MROH2A: variants seen among roughly 807,000 people sequenced by gnomAD.
MROH2A encodes maestro heat like repeat family member 2A.
A neutral mutation model predicts 200.4 loss-of-function variants in MROH2A; 174 were observed. That is an observed-to-expected ratio of 0.87 (90% CI 0.77 to 0.98). The LOEUF is 0.98. Among genes scored for constraint, MROH2A ranks in the 50% least tolerant of loss-of-function variants. The probability of loss-of-function intolerance (pLI) is 0.00; values close to 1 mark genes in which losing one functional copy is unlikely to be tolerated. For synonymous variants in MROH2A, 829 were observed against 840.4 expected, an observed-to-expected ratio of 0.99 and a Z score of 0.23; for missense variants, 2,045 against 2,139.6, an observed-to-expected ratio of 0.96 and a Z score of 0.87.
rs62192270 is a variant in MROH2A at position 233,825,421 on chromosome 2, C to T, written c.4113+1757C>T. 1.4e-3 allele frequency among the ~76,000 whole-genome samples: 207 copies of T among 152,286 alleles called. 3 individuals are homozygous for T. Among genetic ancestry groups the T allele is most frequent in the Non-Finnish European group, 1.7e-3 (113 of 68,022 alleles). ...TGCCGATTTTCAAAGGGAATGCTTC[C>T]GGCTTTTGCCCATTCAGTATGATAT... On this transcript the variant is annotated intron_variant, in intron 35 of 41. Coordinates refer to ENST00000389758, the MANE Select transcript of MROH2A (RefSeq NM_001394639.1).
chr2:233,777,259 T>G (rs546899120), upstream of MROH2A, among the ~76,000 whole-genome samples: 118 of 152,330 alleles, frequency 7.7e-4, no homozygotes, highest in African/African-American at 2.8e-3. Flanking sequence ...AGAGATGTGT[T>G]CCACCTACCC....
intron 11 of MROH2A, among the ~76,000 whole-genome samples, chr2:233,797,855 C>A (rs1215239831): frequency 6.6e-6 from 1 of 152,016 alleles, no homozygotes; most frequent in East Asian, 1.9e-4. Context: ...TGTTCCTGGG[C>A]TAATTTGCTG....
chr2:233,800,018 A>T, intron 13 of MROH2A, 119 bp downstream of exon 13: 3 of 1,349,040 alleles, frequency 2.2e-6, no homozygotes, highest in Middle Eastern at 1.9e-4. Context: ...CATTCATGAC[A>T]GGAGTTCATA....
At chr2:233,808,593 A>G (rs10929307) in intron 21 of MROH2A, among the ~76,000 whole-genome samples, 106,492 of 152,148 alleles carry the variant, frequency 0.7, 37,564 homozygotes, top group African/African-American at 0.76. Flanking sequence ...CCCGACACCT[A>G]GATTTCTACT....
At chr2:233,832,792 C>G (rs1047001469) in intron 41 of MROH2A, 148 bp downstream of exon 41, 3 of 638,998 alleles carry the variant, frequency 4.7e-6, no homozygotes, top group Non-Finnish European at 8.2e-6. Flanking sequence ...GAGAGATGCA[C>G]CTGGGGAGGC....
upstream of MROH2A, among the ~76,000 whole-genome samples, chr2:233,776,228 T>C (rs78785676): frequency 0.032 from 4,823 of 152,246 alleles, 242 homozygotes; most frequent in African/African-American, 0.11. Context: ...TTTTCTTATT[T>C]CCTGGGTAGT....
chr2:233,801,415 C>T (rs552994385), intron 14 of MROH2A, among the ~76,000 whole-genome samples: 4 of 152,194 alleles, frequency 2.6e-5, no homozygotes, highest in African/African-American at 9.6e-5. Flanking sequence ...AACACAGCTC[C>T]AAGAATCCAT....
At position 233,789,701 on chromosome 2, in the gene MROH2A, G is replaced by T; in HGVS notation, c.408+73G>T. The stretch of plus-strand genomic sequence containing the variant: ...CTGGGCCACGGGGGGCCTGGCCCAG[G>T]ATGCCCACAGCCCTGTGCAGTTACC... On this transcript the variant is annotated intron_variant, in intron 4 of 41. Transcript: ENST00000389758. 2.8e-6 allele frequency: 4 copies of T among 1,438,376 alleles called. No individual in the cohort carries two copies. The South Asian group carries it at 6.1e-5, about 22-fold the overall frequency. The allele number at this position is 1,438,376 out of a possible 1,614,324, so 89.1% of individuals were successfully genotyped here.
chr2:233,796,744 C>G (rs1257203638), intron 11 of MROH2A, among the ~76,000 whole-genome samples: 3 of 152,202 alleles, frequency 2.0e-5, no homozygotes, highest in African/African-American at 7.2e-5. Context: ...CTAGCTCACA[C>G]TCTGCCTTTG....
chr2:233,793,946 G>A, intron 7 of MROH2A, 122 bp downstream of exon 7: 2 of 1,005,714 alleles, frequency 2.0e-6, no homozygotes, highest in Non-Finnish European at 2.7e-6. Context: ...CTAGAGGGCA[G>A]TGACCTGACT....
intron 4 of MROH2A, 74 bp downstream of exon 4, chr2:233,789,702 A>T (rs73999046): frequency 2.1e-6 from 3 of 1,437,810 alleles, no homozygotes; most frequent in Non-Finnish European, 2.8e-6. Flanking sequence ...CTGGCCCAGG[A>T]TGCCCACAGC....
rs1702273731 is a variant in MROH2A at position 233,798,806 on chromosome 2, G to A, written c.1285G>A (p.Ala429Thr). The change falls in exon 12 of 42, where the codon GCT (alanine) becomes ACT (threonine). Residue 429 changes from alanine (A) to threonine (T), a missense_variant. Coordinates refer to ENST00000389758, the MANE Select transcript of MROH2A (RefSeq NM_001394639.1). Reference sequence around the variant, plus strand: ...GATGAGTATCAGGGCCATCTACCTGGCTATCCGGGTAGTCAAGAACACCAT... The same window carrying A: ...GATGAGTATCAGGGCCATCTACCTGACTATCCGGGTAGTCAAGAACACCAT... ...PRMSIRAIYL[A>T]IRVVKNTISD... 6.5e-7 allele frequency: 1 copy of A among 1,550,340 alleles called. No homozygotes were observed. Among genetic ancestry groups the A allele is most frequent in the South Asian group, 1.2e-5 (1 of 84,042 alleles).
chr2:233,791,404 G>A (rs1409851927), intron 5 of MROH2A, among the ~76,000 whole-genome samples: 1 of 152,180 alleles, frequency 6.6e-6, no homozygotes, highest in African/African-American at 2.4e-5. Flanking sequence ...GAGCGTGTTG[G>A]CCTCCTTTCC....
At chr2:233,800,062 G>A (rs1702361638) in intron 13 of MROH2A, 143 bp from the exon 14 acceptor site, 3 of 1,116,562 alleles carry the variant, frequency 2.7e-6, no homozygotes, top group Admixed American at 4.5e-5. Flanking sequence ...AATGTGTGGG[G>A]TCCTAGATAT....
At position 233,804,236 on chromosome 2, in the gene MROH2A, G is replaced by A. The variant is rs369445251; in HGVS notation, c.1891+44G>A. Reference sequence around the variant, plus strand: ...CCATCCCAAGCCAACCCTCCAATCCGTGTATGTGCTGGGGTTCTAATCACA... The same window carrying A: ...CCATCCCAAGCCAACCCTCCAATCCATGTATGTGCTGGGGTTCTAATCACA... On this transcript the variant is annotated intron_variant, in intron 17 of 41. Coordinates refer to ENST00000389758, the MANE Select transcript of MROH2A (RefSeq NM_001394639.1). 31 of 1,546,944 alleles carry A rather than the reference G, an allele frequency of 2.0e-5. No individual in the cohort carries two copies. In the Middle Eastern group the frequency reaches 5.3e-4, roughly 27 times the overall value.
chr2:233,831,082 A>C (rs915954242), intron 38 of MROH2A, among the ~76,000 whole-genome samples: 2 of 152,230 alleles, frequency 1.3e-5, no homozygotes, highest in East Asian at 1.9e-4. Context: ...ACACGTGCCC[A>C]GTCTTGCCTG....
chr2:233,800,182 A>T, intron 13 of MROH2A, 23 bp from the exon 14 acceptor site: 1 of 1,504,244 alleles, frequency 6.6e-7, no homozygotes, highest in Non-Finnish European at 9.0e-7. Context: ...CACAGGTGGG[A>T]ATCCCTTGGT....
intron 31 of MROH2A, among the ~76,000 whole-genome samples, chr2:233,821,764 G>A (rs1302987534): frequency 6.6e-6 from 1 of 151,962 alleles, no homozygotes; most frequent in African/African-American, 2.4e-5. Flanking sequence ...TATAATATCA[G>A]AAAGCTACCG....
chr2:233,825,921 CTTTT>C (rs34849761), intron 35 of MROH2A, among the ~76,000 whole-genome samples: 12 of 95,246 alleles, frequency 1.3e-4, no homozygotes, highest in Middle Eastern at 8.3e-3. Flanking sequence ...TTTCTTTTTC[CTTTT>C]TTTTTTTTTT....
Sources: gnomAD v4.1 joint callset for allele counts (sites outside exome capture counted in the v4.1 genomes callset) on GRCh38, gnomAD v4.1.1 for gene constraint, MANE v1.5 for transcripts, NCBI Gene and HGNC (gene_info 2026-07-23, HGNC 2026-07-21) for gene names.